The following THBS2 variants were observed in gnomAD, a reference collection of about 807,000 sequenced individuals.
The protein encoded by THBS2 is thrombospondin 2, also known as thrombospondin-2.
Under a neutral mutation model 135.2 loss-of-function variants are expected in THBS2, and 47 were observed. The ratio of observed to expected loss-of-function variants is 0.35; its 90% CI spans 0.28 to 0.44. The LOEUF is 0.44. Ranked by LOEUF, THBS2 falls within the 20% of genes least tolerant of loss-of-function variation. The pLI, the probability that THBS2 is intolerant of heterozygous loss-of-function variation, is 1.00. For synonymous variants in THBS2, 639 were observed against 633.8 expected, an observed-to-expected ratio of 1.01 and a Z score of -0.12; for missense variants, 1,288 against 1,603.1, an observed-to-expected ratio of 0.80 and a Z score of 3.36.
At position 169,241,649 on chromosome 6, in the gene THBS2, T is replaced by C. The variant is rs989743132; in HGVS notation, c.891+113A>G. ...ACCTCCCCTGTGAACTGTGGGTTTT[T>C]ACATCGAGCATGAGGCACTGCCAAG... On this transcript the variant is annotated intron_variant, in intron 5 of 21. Coordinates refer to ENST00000617924, the MANE Select transcript of THBS2 (RefSeq NM_003247.5). The surrounding 1 kb of genome is among the most constrained non-coding windows in gnomAD (Gnocchi z 5.5). 2.2e-5 allele frequency: 25 copies of C among 1,128,148 alleles called. No homozygotes were observed. Among genetic ancestry groups the C allele is most frequent in the Non-Finnish European group, 2.9e-5 (23 of 793,202 alleles). The allele number at this position is 1,128,148 out of a possible 1,614,324, so 69.9% of individuals were successfully genotyped here. A position where few individuals can be genotyped will look rare whatever the true frequency, so the allele number is the denominator to read the frequency against.
At chr6:169,250,403 G>A (rs184057170) in intron 2 of THBS2, among the ~76,000 whole-genome samples, 92 of 152,240 alleles carry the variant, frequency 6.0e-4, no homozygotes, top group Non-Finnish European at 9.9e-4. Context: ...AAACACATGG[G>A]AAAATATTTA....
chr6:169,240,393 G>C (rs1041653690), intron 6 of THBS2, 59 bp downstream of exon 6: 1 of 1,593,302 alleles, frequency 6.3e-7, no homozygotes, highest in African/African-American at 1.3e-5. Context: ...AGGCAGTCAG[G>C]TTCTGCCAAG....
intron 7 of THBS2, among the ~76,000 whole-genome samples, chr6:169,238,352 G>A (rs1271535575): frequency 6.6e-6 from 1 of 152,230 alleles, no homozygotes; most frequent in Non-Finnish European, 1.5e-5. Context: ...TGGGGGGAAA[G>A]AGCAACCTGA....
intron 20 of THBS2, among the ~76,000 whole-genome samples, chr6:169,220,767 G>A (rs1045497910): frequency 5.9e-5 from 9 of 152,100 alleles, no homozygotes; most frequent in African/African-American, 1.4e-4. Context: ...CCAAGCCCCC[G>A]ACAGGAGGAT....
intron 20 of THBS2, among the ~76,000 whole-genome samples, chr6:169,220,621 T>C (rs1274354874): frequency 6.6e-6 from 1 of 152,178 alleles, no homozygotes; most frequent in Non-Finnish European, 1.5e-5. Flanking sequence ...ACTCTACCTT[T>C]GGTGGGGTGA....
At chr6:169,247,644 C>A (rs1432376798) in intron 3 of THBS2, among the ~76,000 whole-genome samples, 1 of 150,866 alleles carries the variant, frequency 6.6e-6, no homozygotes, top group Non-Finnish European at 1.5e-5. Flanking sequence ...GTGTGGTGTG[C>A]GTGCATTGCA....
rs1780726957 is a variant in THBS2 at position 169,250,849 on chromosome 6, G to T, written c.-22-43C>A. 7 of 1,440,036 alleles carry T rather than the reference G, an allele frequency of 4.9e-6. No individual in the cohort carries two copies. In the African/African-American group the frequency reaches 9.8e-5, roughly 20 times the overall value. The allele number at this position is 1,440,036 out of a possible 1,614,324, so 89.2% of individuals were successfully genotyped here. ...CCTTGTTAGTGATGAGTCCACAGCT[G>T]CAACCCTGCCTGTGAGCGAGACTGG... On this transcript the variant is annotated intron_variant, in intron 1 of 21. Transcript: ENST00000617924.
chr6:169,232,572 C>T lies in THBS2; in HGVS notation c.1932+92G>A, dbSNP rs530682384. On this transcript the variant is annotated intron_variant, in intron 12 of 21. Coordinates refer to ENST00000617924, the MANE Select transcript of THBS2 (RefSeq NM_003247.5). The stretch of plus-strand genomic sequence containing the variant: ...CCCATGCCTCTCCCGGGCCACGCCA[C>T]CCCTTCCTCTCCTTCCTCCTGCTGC... 2.9e-5 allele frequency: 44 copies of T among 1,520,688 alleles called. No individual in the cohort carries two copies. In the South Asian group the frequency reaches 4.7e-4, roughly 16 times the overall value. 94.2% of individuals were successfully genotyped at this position (1,520,688 alleles called of 1,614,324 possible). A position where few individuals can be genotyped will look rare whatever the true frequency, so the allele number is the denominator to read the frequency against.
intron 11 of THBS2, 23 bp from the exon 12 acceptor site, chr6:169,232,839 G>A (rs1484719474): frequency 2.5e-6 from 4 of 1,610,004 alleles, no homozygotes; most frequent in Non-Finnish European, 3.4e-6. Context: ...GCAGACATGA[G>A]AGGCCGCTCC....
chr6:169,219,340 G>A (rs371500311), intron 21 of THBS2, among the ~76,000 whole-genome samples: 16,192 of 55,154 alleles, frequency 0.29, 1,598 homozygotes, highest in Admixed American at 0.43. Context: ...GTGTGGGTGG[G>A]TGGATGGATG....
chr6:169,219,311 A>G (rs1779328888), intron 21 of THBS2, among the ~76,000 whole-genome samples: 1 of 81,168 alleles, frequency 1.2e-5, no homozygotes, highest in Non-Finnish European at 2.4e-5. Flanking sequence ...GGGTGGTTGG[A>G]TGGATGAGAT....
chr6:169,231,921 G>A (rs974826557), intron 13 of THBS2, 59 bp downstream of exon 13: 2 of 1,585,362 alleles, frequency 1.3e-6, no homozygotes, highest in Non-Finnish European at 1.7e-6. Context: ...AGCGTCCCCG[G>A]CGCCAGGAGG....
intron 13 of THBS2, among the ~76,000 whole-genome samples, chr6:169,231,611 A>G (rs1028638082): frequency 6.6e-6 from 1 of 152,218 alleles, no homozygotes; most frequent in Non-Finnish European, 1.5e-5. Flanking sequence ...TTTCCAAGTG[A>G]CATAGCCTGG....
chr6:169,250,818 G>C lies in THBS2; in HGVS notation c.-22-12C>G. The C allele has an allele frequency of 2.5e-6, 4 of 1,604,916 alleles. No individual in the cohort carries two copies. The highest frequency in any genetic ancestry group is 3.4e-6 in the Non-Finnish European group (4 of 1,174,820). ...CTGCAGCTGAGCTCCTGGGAATACA[G>C]GAAACCCTTGTTAGTGATGAGTCCA... On this transcript the variant is annotated splice_polypyrimidine_tract_variant and intron_variant, in intron 1 of 21. Transcript: ENST00000617924.
At position 169,225,212 on chromosome 6, in the gene THBS2, G is replaced by A. The variant is rs145307568; in HGVS notation, c.2706C>T (p.Asn902=). Reference sequence around the variant, plus strand: ...TGTCCCTGTCATCGGGGACGCCATCGTTGTCATCATCAGGGTCACAGGCGT... The same window carrying A: ...TGTCCCTGTCATCGGGGACGCCATCATTGTCATCATCAGGGTCACAGGCGT... ...QGDACDPDDD[N]DGVPDDRDNC... is the part of the protein sequence containing the mutation. The change falls in exon 17 of 22, where the codon AAC becomes AAT. Residue 902 remains asparagine, a synonymous_variant. Transcript: ENST00000617924. 1.9e-4 allele frequency: 299 copies of A among 1,614,184 alleles called. 1 individual carries two copies. Among genetic ancestry groups the A allele is most frequent in the Admixed American group, 1.8e-3 (106 of 60,026 alleles).
intron 9 of THBS2, among the ~76,000 whole-genome samples, chr6:169,236,467 ACT>A (rs1380350808): frequency 1.2e-5 from 1 of 83,260 alleles, no homozygotes; most frequent in Non-Finnish European, 2.4e-5. Flanking sequence ...CACCATCCAC[ACT>A]CACTCCCCAT....
At chr6:169,242,402 G>C (rs1421246720) in intron 4 of THBS2, among the ~76,000 whole-genome samples, 3 of 151,890 alleles carry the variant, frequency 2.0e-5, no homozygotes, top group Non-Finnish European at 4.4e-5. Context: ...TGTTCTGACG[G>C]CTCCTCTCGA....
rs1477412771 is a variant in THBS2, at chr6:169,225,130, TGA to T, written c.2773+13_2773+14del. 3.3e-5 allele frequency: 54 copies of T among 1,613,116 alleles called. No individual in the cohort carries two copies. The highest frequency in any genetic ancestry group is 4.5e-5 in the Non-Finnish European group (53 of 1,179,222). The stretch of plus-strand genomic sequence containing the variant: ...GCCATTTTCCTCCACGCCCATGAGC[TGA>T]GAGAGCACCCACCGTCCAAGTCCTC... On this transcript the variant is annotated intron_variant, in intron 17 of 21. Transcript: ENST00000617924.
rs1779860513 is a variant in THBS2, at chr6:169,232,138, A to G, written c.1993T>C (p.Cys665Arg). The G allele has an allele frequency of 1.9e-6, 3 of 1,613,972 alleles. No individual in the cohort carries two copies. The highest frequency in any genetic ancestry group is 2.5e-6 in the Non-Finnish European group (3 of 1,179,964). The stretch of plus-strand genomic sequence containing the variant: ...TCGCTGAAGTGGCCCAGGTAGATGC[A>G]CTCCGCGTGCTTGTGGCAGTTGTGT... ...KTHNCHKHAE[C>R]IYLGHFSDPM... is the part of the protein sequence containing the mutation. Residue 665 changes from cysteine to arginine, a missense_variant, in exon 13 of 22, where the codon TGC (cysteine) becomes CGC (arginine). By Grantham distance (180) the Cys-to-Arg change is radical (BLOSUM62 -3). Transcript: ENST00000617924.
Sources: allele counts gnomAD v4.1 joint callset (sites outside exome capture counted in the v4.1 genomes callset), GRCh38; gene constraint gnomAD v4.1.1; non-coding constraint Gnocchi (gnomAD v3.1); transcripts MANE v1.5; gene names NCBI Gene and HGNC (gene_info 2026-07-23, HGNC 2026-07-21).